The following GALNT13 variants were observed in gnomAD, a reference collection of about 807,000 sequenced individuals.
GALNT13 encodes the protein polypeptide N-acetylgalactosaminyltransferase 13.
GALNT13 carries 28 observed loss-of-function variants against 64.2 expected under a neutral mutation model. That is an observed-to-expected ratio of 0.44 (90% CI 0.32 to 0.60). The LOEUF is 0.60. GALNT13 is among the 20% of genes least tolerant of loss of function. The pLI is 0.05. For missense variants in GALNT13, 577 were observed against 669.8 expected, an observed-to-expected ratio of 0.86 and a Z score of 1.53; for synonymous variants, 214 against 224.6, an observed-to-expected ratio of 0.95 and a Z score of 0.42.
At chr2:153,388,363 C>T in the GALNT13 span, among the ~76,000 whole-genome samples, 2 of 152,028 alleles carry the variant, frequency 1.3e-5, no homozygotes, top group African/African-American at 4.8e-5. Context: ...GTAAACCTGC[C>T]TTAGAGTTAG....
chr2:153,600,484 A>G, the GALNT13 span, among the ~76,000 whole-genome samples: 1 of 151,984 alleles, frequency 6.6e-6, no homozygotes. Flanking sequence ...ATAACTCAAT[A>G]TGACAGGTAT....
the GALNT13 span, among the ~76,000 whole-genome samples, chr2:153,517,136 G>C: frequency 6.6e-6 from 1 of 152,252 alleles, no homozygotes; most frequent in Admixed American, 6.5e-5. Flanking sequence ...AGGTGGGTTA[G>C]TCTATGGACA....
At chr2:153,557,983 A>C in the GALNT13 span, among the ~76,000 whole-genome samples, 2 of 152,178 alleles carry the variant, frequency 1.3e-5, no homozygotes, top group African/African-American at 4.8e-5. Flanking sequence ...TGACCCTGCC[A>C]GACTAGAGAA....
At chr2:153,961,284 T>A (rs189718796) in intron 3 of GALNT13, among the ~76,000 whole-genome samples, 219 of 152,306 alleles carry the variant, frequency 1.4e-3, no homozygotes, top group African/African-American at 4.6e-3. Flanking sequence ...ATCAATGCTG[T>A]ACTATTAGGA....
chr2:153,913,093 C>T (rs185446568), intron 2 of GALNT13, among the ~76,000 whole-genome samples: 32 of 152,136 alleles, frequency 2.1e-4, no homozygotes, highest in Non-Finnish European at 3.8e-4. Flanking sequence ...TGCTGGTGGG[C>T]GCAGGACTGT....
chr2:153,559,920 G>A, the GALNT13 span, among the ~76,000 whole-genome samples: 1 of 151,936 alleles, frequency 6.6e-6, no homozygotes, highest in Non-Finnish European at 1.5e-5. Context: ...TCTAGCACAC[G>A]TTAATAGTAT....
At chr2:153,283,078 T>C in the GALNT13 span, among the ~76,000 whole-genome samples, 1 of 152,192 alleles carries the variant, frequency 6.6e-6, no homozygotes, top group African/African-American at 2.4e-5. Context: ...CTCTGTTTCC[T>C]CAGGCAATGG....
chr2:153,578,574 G>A, the GALNT13 span, among the ~76,000 whole-genome samples: 9 of 152,236 alleles, frequency 5.9e-5, 1 homozygote, highest in Admixed American at 2.0e-4. Context: ...AATAAAGAGC[G>A]TAAGATCTAA....
the GALNT13 span, among the ~76,000 whole-genome samples, chr2:153,459,803 C>CT: frequency 6.6e-6 from 1 of 152,080 alleles, no homozygotes; most frequent in African/African-American, 2.4e-5. Flanking sequence ...ATTTCATTGA[C>CT]TTGCTAAAAC....
At chr2:154,392,044 T>C (rs529307175) in intron 9 of GALNT13, among the ~76,000 whole-genome samples, 1 of 152,086 alleles carries the variant, frequency 6.6e-6, no homozygotes, top group Non-Finnish European at 1.5e-5. Context: ...AAAAGAAGTA[T>C]AAAGCCTTGA....
chr2:154,366,700 G>A (rs1012298284), intron 9 of GALNT13, among the ~76,000 whole-genome samples: 15 of 152,182 alleles, frequency 9.9e-5, no homozygotes, highest in South Asian at 2.1e-4. Flanking sequence ...TTTGCGCACC[G>A]TGGGAAGAAT....
At chr2:153,469,875 A>G in the GALNT13 span, among the ~76,000 whole-genome samples, 1 of 151,940 alleles carries the variant, frequency 6.6e-6, no homozygotes, top group African/African-American at 2.4e-5. Flanking sequence ...TATTCTCATG[A>G]GCAAAGAGAG....
the GALNT13 span, among the ~76,000 whole-genome samples, chr2:153,140,667 G>A: frequency 1.3e-5 from 2 of 151,974 alleles, no homozygotes. Context: ...TGCCTTTTAT[G>A]TAAAACATAT....
chr2:153,944,916 G>C (rs1229556377), intron 3 of GALNT13, among the ~76,000 whole-genome samples: 1 of 152,168 alleles, frequency 6.6e-6, no homozygotes, highest in African/African-American at 2.4e-5. Flanking sequence ...GAACAGTTGA[G>C]TGAACGTTCA....
the GALNT13 span, among the ~76,000 whole-genome samples, chr2:153,624,815 A>T: frequency 6.8e-6 from 1 of 147,918 alleles, no homozygotes; most frequent in Non-Finnish European, 1.5e-5. Context: ...TTTTTTTTGA[A>T]ACTGGAAAAC....
At chr2:154,347,209 G>A (rs1005661280) in intron 9 of GALNT13, among the ~76,000 whole-genome samples, 12 of 152,016 alleles carry the variant, frequency 7.9e-5, no homozygotes, top group Admixed American at 1.3e-4. Flanking sequence ...GCTTTGTTCA[G>A]TACTTGTATT....
intron 4 of GALNT13, among the ~76,000 whole-genome samples, chr2:154,149,189 T>C (rs1014660910): frequency 7.9e-5 from 12 of 152,314 alleles, no homozygotes; most frequent in African/African-American, 2.9e-4. Context: ...TAGGGAATCC[T>C]TTCCCCATTG....
At chr2:153,912,772 C>A (rs1689048655) in intron 2 of GALNT13, among the ~76,000 whole-genome samples, 1 of 152,126 alleles carries the variant, frequency 6.6e-6, no homozygotes, top group South Asian at 2.1e-4. Context: ...TGGTTAGGAA[C>A]CTGTTGCACA....
the GALNT13 span, among the ~76,000 whole-genome samples, chr2:153,118,653 A>G: frequency 1.3e-5 from 2 of 152,336 alleles, no homozygotes; most frequent in East Asian, 3.9e-4. Flanking sequence ...TGTTGAATTA[A>G]AAAATGAAGA....
Sources: allele counts gnomAD v4.1 joint callset (sites outside exome capture counted in the v4.1 genomes callset), GRCh38; gene constraint gnomAD v4.1.1; transcripts MANE v1.5; gene names NCBI Gene and HGNC (gene_info 2026-07-23, HGNC 2026-07-21).